The following TBC1D30 variants were observed in gnomAD, a reference collection of about 807,000 sequenced individuals.
TBC1D30 encodes the protein TBC1 domain family, member 30.
Under a neutral mutation model 63.2 loss-of-function variants are expected in TBC1D30, and 31 were observed. The ratio of observed to expected loss-of-function variants is 0.49; its 90% CI spans 0.37 to 0.66. The LOEUF (loss-of-function observed/expected upper bound fraction) is 0.66. Ranked by LOEUF, TBC1D30 falls within the 30% of genes least tolerant of loss-of-function variation. The pLI, the probability that TBC1D30 is intolerant of heterozygous loss-of-function variation, is 0.00. For synonymous variants in TBC1D30, 307 were observed against 361.5 expected (o/e 0.85, Z 1.71); for missense variants, 810 against 953.6 (o/e 0.85, Z 1.98).
At chr12:64,780,944 C>T (rs1489556948) in exon 1 of TBC1D30, 76 of 1,055,130 alleles carry the variant, frequency 7.2e-5, no homozygotes, top group Non-Finnish European at 8.5e-5. Context: ...CCCGCGCCTC[C>T]GGGGAGCGGC....
In TBC1D30 at chr12:64,878,464, T is replaced by C. The variant is rs1191913360; in HGVS notation, c.*2676T>C. Reference sequence around the variant, plus strand: ...GGGAATCAACTCATTCTGATGCCTCTGCACCTCAGTTCCTCTTACAAAAGC... The same window carrying C: ...GGGAATCAACTCATTCTGATGCCTCCGCACCTCAGTTCCTCTTACAAAAGC... On this transcript the variant is annotated 3_prime_UTR_variant, in exon 12 of 12. Coordinates refer to ENST00000539867, the MANE Select transcript of TBC1D30 (RefSeq NM_015279.2). 2.2e-6 allele frequency: 1 copy of C among 456,762 alleles called. No individual in the cohort carries two copies. The highest frequency in any genetic ancestry group is 4.4e-6 in the Non-Finnish European group (1 of 226,962). 28.3% of individuals were successfully genotyped at this position (456,762 alleles called of 1,614,324 possible). A position where few individuals can be genotyped will look rare whatever the true frequency, so the allele number is the denominator to read the frequency against.
chr12:64,823,249 A>G (rs1873998550), upstream of TBC1D30, among the ~76,000 whole-genome samples: 1 of 152,320 alleles, frequency 6.6e-6, no homozygotes, highest in East Asian at 1.9e-4. Context: ...ATTAATAACA[A>G]TAATACTACT....
intron 8 of TBC1D30, among the ~76,000 whole-genome samples, chr12:64,859,698 G>A (rs1045684053): frequency 6.6e-6 from 1 of 152,268 alleles, no homozygotes; most frequent in East Asian, 1.9e-4. Flanking sequence ...GAGGGGAGGA[G>A]GATGGGTTCA....
intron 11 of TBC1D30, among the ~76,000 whole-genome samples, chr12:64,874,613 C>T (rs141738756): frequency 0.011 from 1,687 of 152,090 alleles, 38 homozygotes; most frequent in African/African-American, 0.039. Flanking sequence ...TCCATATGGT[C>T]ATAGTGTTTG....
At chr12:64,769,165 A>T (rs1870815943) in intron 1 of TBC1D30, among the ~76,000 whole-genome samples, 1 of 152,066 alleles carries the variant, frequency 6.6e-6, no homozygotes, top group African/African-American at 2.4e-5. Context: ...CTAAAAAAAA[A>T]TTAGAAAGAA....
In TBC1D30 at chr12:64,772,495, T is replaced by C. The variant is rs370435046; in HGVS notation, c.-376+12846T>C. 9.9e-5 allele frequency among the ~76,000 whole-genome samples: 15 copies of C among 152,116 alleles called. No homozygotes were observed. The East Asian group carries it at 1.4e-3, about 14-fold the overall frequency. On this transcript the variant is annotated intron_variant, in intron 1 of 13. Coordinates refer to the TBC1D30 transcript ENST00000674237. ...CCCAGGCTGGAGTGCAGTGGCGCAATCTCGGCTTACTGCAACCTCCGCCTC... is the reference window on the plus strand; with the variant it reads ...CCCAGGCTGGAGTGCAGTGGCGCAACCTCGGCTTACTGCAACCTCCGCCTC...
chr12:64,780,144 G>C (rs1871192581), upstream of TBC1D30, among the ~76,000 whole-genome samples: 1 of 152,140 alleles, frequency 6.6e-6, no homozygotes, highest in Non-Finnish European at 1.5e-5. Context: ...CCAGTGCTTT[G>C]GTTTTCACTG....
intron 2 of TBC1D30, among the ~76,000 whole-genome samples, chr12:64,816,035 C>CT (rs11338586): frequency 8.6e-4 from 123 of 143,406 alleles, no homozygotes; most frequent in Middle Eastern, 3.6e-3. Context: ...GTTCAGAATA[C>CT]TTTTTTTTTT....
intron 1 of TBC1D30, among the ~76,000 whole-genome samples, chr12:64,827,020 T>A (rs1406545849): frequency 6.6e-6 from 1 of 152,198 alleles, no homozygotes; most frequent in African/African-American, 2.4e-5. Flanking sequence ...TGTGGAGAAG[T>A]TTTTAGTACA....
At chr12:64,796,346 C>G (rs568656801) in intron 2 of TBC1D30, among the ~76,000 whole-genome samples, 1 of 152,112 alleles carries the variant, frequency 6.6e-6, no homozygotes, top group Non-Finnish European at 1.5e-5. Context: ...GAAACTCACT[C>G]AGCTGGTTAG....
At chr12:64,762,147 A>G (rs1870540077) in intron 1 of TBC1D30, among the ~76,000 whole-genome samples, 1 of 152,116 alleles carries the variant, frequency 6.6e-6, no homozygotes, top group Non-Finnish European at 1.5e-5. Flanking sequence ...TTGTTAATGG[A>G]GTATTGGGGT....
At chr12:64,811,174 A>AT (rs1035326492) in intron 2 of TBC1D30, among the ~76,000 whole-genome samples, 2 of 152,234 alleles carry the variant, frequency 1.3e-5, no homozygotes, top group African/African-American at 4.8e-5. Flanking sequence ...AGTTAATGAG[A>AT]TTTTTATGAG....
At chr12:64,800,101 C>T (rs1872518576) in intron 2 of TBC1D30, among the ~76,000 whole-genome samples, 2 of 152,224 alleles carry the variant, frequency 1.3e-5, no homozygotes, top group South Asian at 4.1e-4. Flanking sequence ...GTGAGACTCC[C>T]TCTCAAACAA....
Position 64,765,433 on chromosome 12 carries a change from G to C in TBC1D30, c.-376+5784G>C, listed in dbSNP as rs555948845. Among the ~76,000 whole-genome samples, 6 of 131,676 alleles carry C rather than the reference G, an allele frequency of 4.6e-5. No individual in the cohort carries two copies. In the East Asian group the frequency reaches 1.5e-3, roughly 32 times the overall value. 86.4% of individuals were successfully genotyped at this position (131,676 alleles called of 152,430 possible). On this transcript the variant is annotated intron_variant, in intron 1 of 13. Coordinates refer to the TBC1D30 transcript ENST00000674237. Reference sequence around the variant, plus strand: ...GAACCCGGGAGGTGGAGGTTGAAGTGAGCCGAGATTGCGCCACTACACTCC... The same window carrying C: ...GAACCCGGGAGGTGGAGGTTGAAGTCAGCCGAGATTGCGCCACTACACTCC...
rs1343485985 is a variant in TBC1D30, at chr12:64,878,543, T to C, written c.*2755T>C. Reference sequence around the variant, plus strand: ...TGTCAGCCTGTGGACTGCAGCTGTTTGGGACATTGTATTCCTTTGTTTGTC... The same window carrying C: ...TGTCAGCCTGTGGACTGCAGCTGTTCGGGACATTGTATTCCTTTGTTTGTC... On this transcript the variant is annotated 3_prime_UTR_variant, in exon 12 of 12. Transcript: ENST00000539867. 2 of 456,626 alleles carry C rather than the reference T, an allele frequency of 4.4e-6. No individual in the cohort carries two copies. The highest frequency in any genetic ancestry group is 8.8e-6 in the Non-Finnish European group (2 of 226,986). 28.3% of individuals were successfully genotyped at this position (456,626 alleles called of 1,614,324 possible). A position where few individuals can be genotyped will look rare whatever the true frequency, so the allele number is the denominator to read the frequency against.
intron 1 of TBC1D30, among the ~76,000 whole-genome samples, chr12:64,765,421 G>A (rs1039786598): frequency 2.0e-4 from 28 of 143,306 alleles, no homozygotes; most frequent in African/African-American, 6.4e-4. Flanking sequence ...CCCGGGAGGT[G>A]GAGGTTGAAG....
At chr12:64,850,322 G>A (rs1291429481) in intron 8 of TBC1D30, among the ~76,000 whole-genome samples, 1 of 152,230 alleles carries the variant, frequency 6.6e-6, no homozygotes, top group East Asian at 1.9e-4. Context: ...GAATAGGAGT[G>A]ATGAGAGAGG....
chr12:64,802,531 G>A lies in TBC1D30; in HGVS notation c.643+16486G>A, dbSNP rs572786898. ...TTATTATTATACTTTAAGTTCTAGGGTACATGTGCACAACATACAGGTTTG... is the reference window on the plus strand; with the variant it reads ...TTATTATTATACTTTAAGTTCTAGGATACATGTGCACAACATACAGGTTTG... On this transcript the variant is annotated intron_variant, in intron 2 of 12. Coordinates refer to the TBC1D30 transcript ENST00000542120. 7.2e-5 allele frequency among the ~76,000 whole-genome samples: 11 copies of A among 151,818 alleles called. No individual in the cohort carries two copies. The East Asian group carries it at 2.1e-3, about 29-fold the overall frequency.
In TBC1D30 at chr12:64,876,968, C is replaced by T; in HGVS notation, c.*1180C>T. 4.4e-6 allele frequency: 2 copies of T among 454,512 alleles called. No homozygotes were observed. The highest frequency in any genetic ancestry group is 8.9e-6 in the Non-Finnish European group (2 of 225,768). The allele number at this position is 454,512 out of a possible 1,614,324, so 28.2% of individuals were successfully genotyped here. On this transcript the variant is annotated 3_prime_UTR_variant, in exon 12 of 12. Coordinates refer to ENST00000539867, the MANE Select transcript of TBC1D30 (RefSeq NM_015279.2). ...CTCTCGGTATTCCAAGTGACTTAGC[C>T]ACATTTCCTTCAGTGCAATAGGTGG...
Sources: gnomAD v4.1 joint callset for allele counts (sites outside exome capture counted in the v4.1 genomes callset) on GRCh38, gnomAD v4.1.1 for gene constraint, MANE v1.5 for transcripts, NCBI Gene and HGNC (gene_info 2026-07-23, HGNC 2026-07-21) for gene names.